Variants in BFSP2 observed in about 807,000 individuals in gnomAD.
BFSP2 encodes beaded filament structural protein 2, also known as phakinin.
In BFSP2, 38 loss-of-function variants were observed where a neutral mutation model predicts 44.9. The ratio of observed to expected loss-of-function variants is 0.85; its 90% CI spans 0.65 to 1.11. The LOEUF (loss-of-function observed/expected upper bound fraction) is 1.11. Among genes scored for constraint, BFSP2 ranks in the 50% least tolerant of loss-of-function variants. The probability of loss-of-function intolerance (pLI) is 0.00; values close to 1 mark genes in which losing one functional copy is unlikely to be tolerated. For missense variants in BFSP2, 525 were observed against 533.0 expected (o/e 0.99, Z 0.15); for synonymous variants, 197 against 209.9 (o/e 0.94, Z 0.53).
intron 1 of BFSP2, among the ~76,000 whole-genome samples, chr3:133,435,699 A>G (rs2073773900): frequency 6.6e-6 from 1 of 152,210 alleles, no homozygotes; most frequent in Non-Finnish European, 1.5e-5. Flanking sequence ...GCGATCAATA[A>G]TTGGTCCTCT....
intron 1 of BFSP2, among the ~76,000 whole-genome samples, chr3:133,420,559 G>A (rs904808547): frequency 1.2e-4 from 18 of 152,256 alleles, no homozygotes; most frequent in Non-Finnish European, 1.0e-4. Flanking sequence ...GTAAACGCTC[G>A]TGCATAGGTG....
At chr3:133,466,215 AAAGAGGAATAAGAAACTAGAAAC>A (rs1467743878) in intron 4 of BFSP2, among the ~76,000 whole-genome samples, 7 of 152,238 alleles carry the variant, frequency 4.6e-5, no homozygotes, top group Middle Eastern at 6.8e-3. Context: ...CTATTTCTGG[AAAGAGGAATAAGAAACTAGAAAC>A]AAGAGAACTG....
At chr3:133,406,972 G>T (rs765328461) in intron 1 of BFSP2, among the ~76,000 whole-genome samples, 1 of 152,190 alleles carries the variant, frequency 6.6e-6, no homozygotes. Flanking sequence ...ACATTGTGAG[G>T]CCAAGGCAGA....
At chr3:133,451,608 A>G (rs2073966774) in intron 4 of BFSP2, among the ~76,000 whole-genome samples, 3 of 152,390 alleles carry the variant, frequency 2.0e-5, no homozygotes, top group South Asian at 4.1e-4. Context: ...AGGGTAAAGC[A>G]TTCAAACAAA....
At chr3:133,466,174 G>A (rs907406688) in intron 4 of BFSP2, among the ~76,000 whole-genome samples, 5 of 151,052 alleles carry the variant, frequency 3.3e-5, no homozygotes, top group Non-Finnish European at 7.4e-5. Flanking sequence ...GCACGGGGGG[G>A]GCAATACATA....
intron 1 of BFSP2, among the ~76,000 whole-genome samples, chr3:133,431,170 A>G (rs1006124163): frequency 1.3e-5 from 2 of 152,074 alleles, no homozygotes; most frequent in African/African-American, 2.4e-5. Context: ...TTTATTACCC[A>G]ATCTGCTCCT....
intron 1 of BFSP2, among the ~76,000 whole-genome samples, chr3:133,434,464 C>A (rs535862425): frequency 6.6e-6 from 1 of 152,022 alleles, no homozygotes; most frequent in Non-Finnish European, 1.5e-5. Flanking sequence ...ATACCACCCC[C>A]CAAAAATTTT....
Position 133,472,486 on chromosome 3 carries a change from G to A in BFSP2, c.1165G>A (p.Ala389Thr), listed in dbSNP as rs148183785. ...GGCGGAGCAGCAGCAACAGGAGCGC[G>A]CGCATCTGCTGGCCCGCAAGTGCCA... ...AEAEQQQQER[A>T]HLLARKCQLQ... The change falls in exon 6 of 7, where the codon GCG (alanine) becomes ACG (threonine). Residue 389 changes from alanine to threonine, a missense_variant. By Grantham distance (58) the Ala-to-Thr change is moderately conservative. Transcript: ENST00000302334. 1.0e-4 allele frequency: 163 copies of A among 1,613,642 alleles called. No individual in the cohort carries two copies. The highest frequency in any genetic ancestry group is 1.5e-4 in the African/African-American group (11 of 75,068).
chr3:133,436,549 G>T (rs956999049), intron 1 of BFSP2, among the ~76,000 whole-genome samples: 1 of 152,010 alleles, frequency 6.6e-6, no homozygotes, highest in African/African-American at 2.4e-5. Flanking sequence ...AAAGCATTTG[G>T]GTTTGACTTG....
At chr3:133,438,887 C>A (rs187259815) in intron 1 of BFSP2, among the ~76,000 whole-genome samples, 2 of 152,236 alleles carry the variant, frequency 1.3e-5, no homozygotes, top group East Asian at 3.9e-4. Context: ...CTCTTTCTAC[C>A]TTTATATATA....
intron 4 of BFSP2, among the ~76,000 whole-genome samples, chr3:133,466,043 G>A (rs887854805): frequency 2.0e-5 from 3 of 152,096 alleles, no homozygotes; most frequent in African/African-American, 7.2e-5. Context: ...TTTCTATTAG[G>A]TTGGTGCAAA....
intron 1 of BFSP2, among the ~76,000 whole-genome samples, chr3:133,434,936 AGTTCAAGACACTTTT>A: frequency 6.6e-6 from 1 of 152,316 alleles, no homozygotes; most frequent in South Asian, 2.1e-4. Flanking sequence ...AGCTCCATCA[AGTTCAAGACACTTTT>A]GTAAGCAATG....
intron 4 of BFSP2, among the ~76,000 whole-genome samples, chr3:133,458,422 G>T (rs1319281880): frequency 6.6e-6 from 1 of 152,158 alleles, no homozygotes; most frequent in African/African-American, 2.4e-5. Context: ...GGCTGGGTGT[G>T]GTGGCTCACT....
chr3:133,414,040 CT>C, intron 1 of BFSP2, among the ~76,000 whole-genome samples: 1 of 149,734 alleles, frequency 6.7e-6, no homozygotes, highest in Non-Finnish European at 1.5e-5. Context: ...CCTGCCCTCT[CT>C]CCCCTACTCA....
chr3:133,402,779 T>G (rs2073372869), intron 1 of BFSP2, among the ~76,000 whole-genome samples: 1 of 151,914 alleles, frequency 6.6e-6, no homozygotes. Context: ...TAGCTGGGAT[T>G]ACAGGTGCAC....
At chr3:133,414,471 TCTC>T (rs1346671661) in intron 1 of BFSP2, among the ~76,000 whole-genome samples, 1 of 65,820 alleles carries the variant, frequency 1.5e-5, no homozygotes, top group African/African-American at 6.5e-5. Context: ...CCCTGCCCTC[TCTC>T]CTCTACTCAC....
chr3:133,417,915 T>G lies in BFSP2; in HGVS notation c.489+17343T>G, dbSNP rs568588260. ...CTGTCCTCTCCCCTCTACTCACCCC[T>G]GCCATCTCCCCTCTACTCACCCGTC... On this transcript the variant is annotated intron_variant, in intron 1 of 6. Transcript: ENST00000302334. Among the ~76,000 whole-genome samples the G allele has an allele frequency of 2.3e-5, 3 of 132,780 alleles. No individual in the cohort carries two copies. The East Asian group carries it at 8.0e-4, about 36-fold the overall frequency. The allele number at this position is 132,780 out of a possible 152,430, so 87.1% of individuals were successfully genotyped here.
chr3:133,459,932 T>C (rs1380326227), intron 4 of BFSP2, among the ~76,000 whole-genome samples: 2 of 152,212 alleles, frequency 1.3e-5, no homozygotes, highest in Admixed American at 1.3e-4. Context: ...TGGCCTACAT[T>C]GTAAACCTTC....
At chr3:133,465,306 C>T (rs1357114450) in intron 4 of BFSP2, among the ~76,000 whole-genome samples, 1 of 152,144 alleles carries the variant, frequency 6.6e-6, no homozygotes, top group Non-Finnish European at 1.5e-5. Context: ...TGCACCCAGC[C>T]TTGACTTGGG....
Sources: allele counts gnomAD v4.1 joint callset (sites outside exome capture counted in the v4.1 genomes callset), GRCh38; gene constraint gnomAD v4.1.1; transcripts MANE v1.5; gene names NCBI Gene and HGNC (gene_info 2026-07-23, HGNC 2026-07-21).